SPAG9: variants seen among roughly 807,000 people sequenced by gnomAD.
SPAG9 encodes the protein sperm associated antigen 9, also known as C-Jun-amino-terminal kinase-interacting protein 4.
In SPAG9, 35 loss-of-function variants were observed where a neutral mutation model predicts 166.5. The observed-to-expected ratio is 0.21, with a 90% confidence interval of 0.16 to 0.28. SPAG9 has a LOEUF of 0.28. SPAG9 is among the 10% of genes least tolerant of loss of function. The pLI is 1.00. For synonymous variants in SPAG9, 534 were observed against 565.5 expected (o/e 0.94, Z 0.79); for missense variants, 1,235 against 1,603.3 (o/e 0.77, Z 3.92).
In SPAG9 at chr17:50,993,961, T is replaced by C. The variant is rs771294202; in HGVS notation, c.2227-26A>G. The C allele has an allele frequency of 2.5e-6, 4 of 1,597,124 alleles. No individual in the cohort carries two copies. The African/African-American group carries it at 5.4e-5, about 21-fold the overall frequency. ...CTGTATAGGCAAAGGAGGAAAAATG[T>C]TTAAAACAATATGTATGTACAAATA... On this transcript the variant is annotated intron_variant, in intron 18 of 29. Transcript: ENST00000262013.
At chr17:51,031,397 C>A in intron 6 of SPAG9, 1 of 439,882 alleles carries the variant, frequency 2.3e-6, no homozygotes, top group Non-Finnish European at 4.2e-6. Context: ...TATACCATTA[C>A]ATAGAGCTGG....
intron 22 of SPAG9, among the ~76,000 whole-genome samples, chr17:50,986,007 G>C (rs1032574404): frequency 8.5e-5 from 13 of 152,222 alleles, no homozygotes; most frequent in African/African-American, 2.4e-4. Flanking sequence ...AGACTGAAAA[G>C]CAAGAACTAG....
rs182328352 is a variant in SPAG9 at position 51,093,225 on chromosome 17, A to G, written c.304-13521T>C. On this transcript the variant is annotated intron_variant, in intron 1 of 29. Coordinates refer to ENST00000262013, the MANE Select transcript of SPAG9 (RefSeq NM_001130528.3). Reference sequence around the variant, plus strand: ...CCCTCTTTTTAAAAAAAACAAAAAAATGAAAATAAATTATTGGAATAAAAG... The same window carrying G: ...CCCTCTTTTTAAAAAAAACAAAAAAGTGAAAATAAATTATTGGAATAAAAG... Among the ~76,000 whole-genome samples, 68 of 151,758 alleles carry G rather than the reference A, an allele frequency of 4.5e-4. No homozygotes were observed. In the East Asian group the frequency reaches 0.011, roughly 24 times the overall value.
chr17:51,018,691 C>T lies in SPAG9; in HGVS notation c.1091+1468G>A, dbSNP rs189409540. Among the ~76,000 whole-genome samples the T allele has an allele frequency of 3.2e-3, 484 of 152,238 alleles. 2 individuals are homozygous for T. Among genetic ancestry groups the T allele is most frequent in the Non-Finnish European group, 5.9e-3 (402 of 68,018 alleles). ...ACCCAAGTTAGTGTCCGGGACAATGCAATCTTGTGAGTAACAAGCCCCAGT... is the reference window on the plus strand; with the variant it reads ...ACCCAAGTTAGTGTCCGGGACAATGTAATCTTGTGAGTAACAAGCCCCAGT... On this transcript the variant is annotated intron_variant, in intron 8 of 29. Coordinates refer to ENST00000262013, the MANE Select transcript of SPAG9 (RefSeq NM_001130528.3).
intron 6 of SPAG9, among the ~76,000 whole-genome samples, chr17:51,025,724 C>G (rs2046140872): frequency 6.6e-6 from 1 of 152,130 alleles, no homozygotes; most frequent in South Asian, 2.1e-4. Flanking sequence ...AACACTGTCT[C>G]TACTAAAAAT....
At chr17:51,098,928 G>A (rs1228758976) in intron 1 of SPAG9, among the ~76,000 whole-genome samples, 4 of 151,374 alleles carry the variant, frequency 2.6e-5, no homozygotes, top group African/African-American at 4.8e-5. Flanking sequence ...GCTGAAACCC[G>A]GTCTCTACTA....
intron 26 of SPAG9, among the ~76,000 whole-genome samples, chr17:50,977,426 G>A (rs1431628175): frequency 6.6e-6 from 1 of 152,170 alleles, no homozygotes; most frequent in Admixed American, 6.5e-5. Context: ...TCATATTGGG[G>A]CTTATTGTCT....
At position 51,111,462 on chromosome 17, in the gene SPAG9, G is replaced by A. The variant is rs148351082; in HGVS notation, c.303+8892C>T. On this transcript the variant is annotated intron_variant, in intron 1 of 29. Transcript: ENST00000262013. ...AAAGATTTCAAGAAGCAGGAATCCT[G>A]TACTCTCTCAAGCACAGAACTGGAT... is the stretch of plus-strand genomic sequence containing the variant. Among the ~76,000 whole-genome samples, 31 of 152,286 alleles carry A rather than the reference G, an allele frequency of 2.0e-4. No individual in the cohort carries two copies. The East Asian group carries it at 6.0e-3, about 29-fold the overall frequency.
chr17:51,067,684 T>A (rs2047710800), intron 2 of SPAG9, among the ~76,000 whole-genome samples: 3 of 152,018 alleles, frequency 2.0e-5, no homozygotes, highest in Non-Finnish European at 2.9e-5. Flanking sequence ...CTGCCATTTT[T>A]AAAATTGCTA....
At chr17:51,066,123 T>C (rs1011255977) in intron 2 of SPAG9, among the ~76,000 whole-genome samples, 7 of 151,926 alleles carry the variant, frequency 4.6e-5, no homozygotes, top group African/African-American at 1.7e-4. Context: ...TTTTTTTTCT[T>C]GAGACAGGGT....
intron 1 of SPAG9, among the ~76,000 whole-genome samples, chr17:51,093,772 T>G (rs1011610998): frequency 6.6e-6 from 1 of 151,164 alleles, no homozygotes; most frequent in Non-Finnish European, 1.5e-5. Flanking sequence ...TGGTGTGGTG[T>G]GTGAGGGTGG....
At position 51,001,848 on chromosome 17, in the gene SPAG9, A is replaced by G. The variant is rs1343836249; in HGVS notation, c.1477-3T>C. 2 of 1,610,786 alleles carry G rather than the reference A, an allele frequency of 1.2e-6. No homozygotes were observed. Among genetic ancestry groups the G allele is most frequent in the African/African-American group, 1.3e-5 (1 of 74,762 alleles). ...CTCTGGGCTGTGGGAATATCACTCTATAATGACAAGAAAATGACATATCAT... is the reference window on the plus strand; with the variant it reads ...CTCTGGGCTGTGGGAATATCACTCTGTAATGACAAGAAAATGACATATCAT... On this transcript the variant is annotated splice_polypyrimidine_tract_variant and splice_region_variant and intron_variant, in intron 12 of 29. Transcript: ENST00000262013.
chr17:51,088,249 A>C (rs1428784108), intron 1 of SPAG9, among the ~76,000 whole-genome samples: 1 of 152,246 alleles, frequency 6.6e-6, no homozygotes, highest in Non-Finnish European at 1.5e-5. Flanking sequence ...CCTATTCACA[A>C]TGCCTATTCT....
chr17:50,992,820 G>C (rs969830173), intron 19 of SPAG9, among the ~76,000 whole-genome samples: 1 of 152,118 alleles, frequency 6.6e-6, no homozygotes, highest in Non-Finnish European at 1.5e-5. Context: ...CTGACTGCCC[G>C]GGGTGGTGGG....
In SPAG9 at chr17:51,077,839, C is replaced by T. The variant is rs186767034; in HGVS notation, c.424+1745G>A. The stretch of plus-strand genomic sequence containing the variant: ...CTAATTTTTGTATTTTTGGTAGAGA[C>T]GGGGTTTCACCATGTTGCCCAGGCT... On this transcript the variant is annotated intron_variant, in intron 2 of 29. Transcript: ENST00000262013. Among the ~76,000 whole-genome samples, 1,426 of 151,934 alleles carry T rather than the reference C, an allele frequency of 9.4e-3. 15 individuals are homozygous for T. The highest frequency in any genetic ancestry group is 0.015 in the Non-Finnish European group (996 of 67,934).
In SPAG9 at chr17:51,030,589, C is replaced by T. The variant is rs141618756; in HGVS notation, c.783+1092G>A. Among the ~76,000 whole-genome samples, 390 of 152,302 alleles carry T rather than the reference C, an allele frequency of 2.6e-3. 1 individual carries two copies. The highest frequency in any genetic ancestry group is 8.9e-3 in the African/African-American group (371 of 41,564). ...TTACAAAATGGTGTGTACATACATTCTTCTGGAGAGTTTCAAATAATTTGA... is the reference window on the plus strand; with the variant it reads ...TTACAAAATGGTGTGTACATACATTTTTCTGGAGAGTTTCAAATAATTTGA... On this transcript the variant is annotated intron_variant, in intron 6 of 29. Transcript: ENST00000262013.
At chr17:50,968,443 C>T (rs1354240239) in intron 29 of SPAG9, among the ~76,000 whole-genome samples, 1 of 152,124 alleles carries the variant, frequency 6.6e-6, no homozygotes, top group Non-Finnish European at 1.5e-5. Context: ...TTATTTATAG[C>T]AAATAAGCTG....
chr17:51,013,927 C>T (rs2045594737), intron 9 of SPAG9, among the ~76,000 whole-genome samples: 1 of 151,580 alleles, frequency 6.6e-6, no homozygotes, highest in African/African-American at 2.4e-5. Flanking sequence ...CATACACACA[C>T]ACACATCACC....
In SPAG9 at chr17:51,082,377, CAAAAAAAAAAAA is replaced by C. The variant is rs773287286; in HGVS notation, c.304-2685_304-2674del. Among the ~76,000 whole-genome samples the C allele has an allele frequency of 4.9e-4, 24 of 48,966 alleles. No homozygotes were observed. The Admixed American group carries it at 5.8e-3, about 12-fold the overall frequency. 32.1% of individuals were successfully genotyped at this position (48,966 alleles called of 152,430 possible). A position where few individuals can be genotyped will look rare whatever the true frequency, so the allele number is the denominator to read the frequency against. On this transcript the variant is annotated intron_variant, in intron 1 of 29. Coordinates refer to ENST00000262013, the MANE Select transcript of SPAG9 (RefSeq NM_001130528.3). ...CCTGGGCAACAGAGCAAGACTGTCT[CAAAAAAAAAAAA>C]AAAAAAAAAAAAAAACCTGTGATAC... is the stretch of plus-strand genomic sequence containing the variant.
Sources: allele counts gnomAD v4.1 joint callset (sites outside exome capture counted in the v4.1 genomes callset), GRCh38; gene constraint gnomAD v4.1.1; transcripts MANE v1.5; gene names NCBI Gene and HGNC (gene_info 2026-07-23, HGNC 2026-07-21).